The following FRS2 variants were observed in gnomAD, a reference collection of about 807,000 sequenced individuals.
FRS2 encodes FGFR signalling adaptor.
A neutral mutation model predicts 43.9 loss-of-function variants in FRS2; 8 were observed. The observed-to-expected ratio is 0.18, with a 90% CI of 0.11 to 0.33. The LOEUF (loss-of-function observed/expected upper bound fraction) is 0.33, where lower values mean the gene tolerates loss of function less well. Ranked by LOEUF, FRS2 falls within the 10% of genes least tolerant of loss-of-function variation. FRS2 has a pLI of 1.00. For missense variants in FRS2, 534 were observed against 627.6 expected (o/e 0.85, Z 1.59); for synonymous variants, 219 against 220.3 (o/e 0.99, Z 0.05).
intron 4 of FRS2, among the ~76,000 whole-genome samples, chr12:69,564,432 A>C (rs897460205): frequency 6.6e-6 from 1 of 152,026 alleles, no homozygotes; most frequent in East Asian, 1.9e-4. Flanking sequence ...GTACTTAACT[A>C]TTGCACTTGG....
At chr12:69,486,920 G>A (rs1319909483) in intron 1 of FRS2, among the ~76,000 whole-genome samples, 1 of 152,236 alleles carries the variant, frequency 6.6e-6, no homozygotes, top group African/African-American at 2.4e-5. Flanking sequence ...ATAGAGGTTG[G>A]TTCATGAGGT....
intron 1 of FRS2, among the ~76,000 whole-genome samples, chr12:69,473,947 A>G (rs1295957159): frequency 1.3e-5 from 2 of 152,162 alleles, no homozygotes; most frequent in Middle Eastern, 3.4e-3. Flanking sequence ...GGTTCAAGTG[A>G]TTGTCCTGCT....
At chr12:69,506,606 G>T (rs1592954380) in intron 1 of FRS2, among the ~76,000 whole-genome samples, 1 of 151,898 alleles carries the variant, frequency 6.6e-6, no homozygotes, top group Non-Finnish European at 1.5e-5. Context: ...GCATTTGAAA[G>T]ATTCTTTTAG....
At chr12:69,539,762 T>C (rs1877695029) in intron 3 of FRS2, among the ~76,000 whole-genome samples, 1 of 151,988 alleles carries the variant, frequency 6.6e-6, no homozygotes, top group South Asian at 2.1e-4. Flanking sequence ...GAGACCAGCC[T>C]GGCCAACATG....
At position 69,574,894 on chromosome 12, in the gene FRS2, T is replaced by G; in HGVS notation, c.1466T>G (p.Leu489Arg). The G allele has an allele frequency of 6.2e-7, 1 of 1,613,820 alleles. No homozygotes were observed. The highest frequency in any genetic ancestry group is 1.1e-5 in the South Asian group (1 of 91,076). Residue 489 changes from leucine (L) to arginine (R), a missense_variant, in exon 9 of 9, where the codon CTG becomes CGG. By Grantham distance (102) the Leu-to-Arg change is moderately radical. Transcript: ENST00000549921. ...TAAMSNLQKA[L>R]PRDDGTSRKT... The stretch of plus-strand genomic sequence containing the variant: ...GCTATGTCAAATTTGCAGAAAGCAC[T>G]GCCACGAGATGATGGTACATCTAGG...
At chr12:69,474,023 A>G (rs949005752) in intron 1 of FRS2, among the ~76,000 whole-genome samples, 1 of 152,052 alleles carries the variant, frequency 6.6e-6, no homozygotes, top group African/African-American at 2.4e-5. Context: ...TTGTATTTTT[A>G]GTAGAGACGG....
At chr12:69,474,900 GA>G (rs1333001093) in intron 1 of FRS2, among the ~76,000 whole-genome samples, 8 of 152,232 alleles carry the variant, frequency 5.3e-5, no homozygotes, top group African/African-American at 1.7e-4. Context: ...GCTTTTTATA[GA>G]AAATGGCATT....
chr12:69,538,528 A>G (rs780062660), intron 3 of FRS2, among the ~76,000 whole-genome samples: 1 of 152,096 alleles, frequency 6.6e-6, no homozygotes, highest in Non-Finnish European at 1.5e-5. Flanking sequence ...AAAATGATTC[A>G]TGCCTTTTTA....
At chr12:69,513,846 A>G (rs1443823938) in intron 1 of FRS2, among the ~76,000 whole-genome samples, 1 of 152,122 alleles carries the variant, frequency 6.6e-6, no homozygotes, top group Non-Finnish European at 1.5e-5. Context: ...TACTCCTTGG[A>G]TAGAGTTGTT....
At chr12:69,547,061 C>G (rs979258683) in intron 3 of FRS2, among the ~76,000 whole-genome samples, 1 of 152,080 alleles carries the variant, frequency 6.6e-6, no homozygotes, top group African/African-American at 2.4e-5. Context: ...CTGTAATATG[C>G]TACAACATGG....
intron 1 of FRS2, among the ~76,000 whole-genome samples, chr12:69,517,065 C>T (rs1875125606): frequency 6.6e-6 from 1 of 152,148 alleles, no homozygotes; most frequent in African/African-American, 2.4e-5. Context: ...AAAACACAGG[C>T]ACACAACACA....
chr12:69,500,416 T>C (rs902619571), intron 1 of FRS2, among the ~76,000 whole-genome samples: 2 of 152,126 alleles, frequency 1.3e-5, no homozygotes, highest in Non-Finnish European at 2.9e-5. Flanking sequence ...GCAGTGGGAA[T>C]AGAGAGGAAT....
chr12:69,513,200 A>G (rs1033960188), intron 1 of FRS2, among the ~76,000 whole-genome samples: 2 of 151,584 alleles, frequency 1.3e-5, no homozygotes, highest in Non-Finnish European at 2.9e-5. Context: ...TAACAACAAT[A>G]TACCTTTCCA....
intron 3 of FRS2, among the ~76,000 whole-genome samples, chr12:69,540,939 C>G (rs1877847146): frequency 6.6e-6 from 1 of 152,080 alleles, no homozygotes; most frequent in African/African-American, 2.4e-5. Flanking sequence ...AGAGGAGAGG[C>G]ATTCTACAAA....
At chr12:69,486,202 A>G (rs1317568865) in intron 1 of FRS2, 1 of 145,706 alleles carries the variant, frequency 6.9e-6, no homozygotes, top group Non-Finnish European at 1.5e-5. Context: ...TTTTTAACAG[A>G]TTGAAGGTTT....
chr12:69,538,984 C>A (rs192914712), intron 3 of FRS2, among the ~76,000 whole-genome samples: 1 of 152,238 alleles, frequency 6.6e-6, no homozygotes, highest in East Asian at 1.9e-4. Flanking sequence ...CACCAAGAAC[C>A]CAAATCTTGG....
intron 3 of FRS2, among the ~76,000 whole-genome samples, chr12:69,532,277 A>T (rs78829612): frequency 6.6e-6 from 1 of 152,196 alleles, no homozygotes; most frequent in Non-Finnish European, 1.5e-5. Context: ...AAAAGTAGTC[A>T]CCTTTAAAAT....
intron 1 of FRS2, among the ~76,000 whole-genome samples, chr12:69,499,866 T>C (rs1873275630): frequency 6.6e-6 from 1 of 152,104 alleles, no homozygotes; most frequent in Admixed American, 6.6e-5. Flanking sequence ...CAAGTTGGAA[T>C]CTGGAGCTTA....
At chr12:69,533,958 C>T (rs1221398235) in intron 3 of FRS2, among the ~76,000 whole-genome samples, 4 of 152,096 alleles carry the variant, frequency 2.6e-5, no homozygotes, top group Admixed American at 2.6e-4. Flanking sequence ...TCTGAAGGGT[C>T]TTCAGATATG....
Sources: allele counts gnomAD v4.1 joint callset (sites outside exome capture counted in the v4.1 genomes callset), GRCh38; gene constraint gnomAD v4.1.1; transcripts MANE v1.5; gene names NCBI Gene and HGNC (gene_info 2026-07-23, HGNC 2026-07-21).